The following FAM167A variants were observed in gnomAD, a reference collection of about 807,000 sequenced individuals.
The protein encoded by FAM167A is family with sequence similarity 167 member A, also known as protein FAM167A.
Under a neutral mutation model 14.9 loss-of-function variants are expected in FAM167A, and 23 were observed. The observed-to-expected ratio is 1.55, with a 90% CI of 1.11 to 2.19. The LOEUF (loss-of-function observed/expected upper bound fraction) is 2.19, where lower values mean the gene tolerates loss of function less well. Among genes scored for constraint, FAM167A ranks in the 30% most tolerant of loss-of-function variants. FAM167A has a pLI of 0.00. For missense variants in FAM167A, 401 were observed against 281.5 expected, an observed-to-expected ratio of 1.42 and a Z score of -3.04; for synonymous variants, 174 against 117.7, an observed-to-expected ratio of 1.48 and a Z score of -3.10.
rs146314212 is a variant in FAM167A at position 11,438,463 on chromosome 8, T to G, written c.381+5568A>C. On this transcript the variant is annotated intron_variant, in intron 2 of 2. Coordinates refer to ENST00000284486, the MANE Select transcript of FAM167A (RefSeq NM_053279.3). ...GATTCTATGCTACAGAAGTACAAGG[T>G]GAAGAATGCATACCGATTACATTGG... 2.0e-3 allele frequency: 928 copies of G among 457,352 alleles called. 6 individuals are homozygous for G. The highest frequency in any genetic ancestry group is 0.017 in the African/African-American group (862 of 50,210). The allele number at this position is 457,352 out of a possible 1,614,324, so 28.3% of individuals were successfully genotyped here.
intron 2 of FAM167A, among the ~76,000 whole-genome samples, chr8:11,443,150 G>C (rs892380932): frequency 6.6e-6 from 1 of 152,226 alleles, no homozygotes; most frequent in African/African-American, 2.4e-5. Flanking sequence ...CAGGGGTTGA[G>C]AGCTGGGGTA....
intron 1 of FAM167A, among the ~76,000 whole-genome samples, chr8:11,448,455 C>A (rs867959507): frequency 2.0e-5 from 3 of 152,186 alleles, no homozygotes; most frequent in Non-Finnish European, 2.9e-5. Flanking sequence ...GATGACATAA[C>A]CTATCAGAGT....
intron 1 of FAM167A, among the ~76,000 whole-genome samples, chr8:11,448,768 G>A (rs1257021718): frequency 6.6e-6 from 1 of 152,234 alleles, no homozygotes; most frequent in African/African-American, 2.4e-5. Context: ...GTGTTGGAGA[G>A]ACTCCACCCT....
chr8:11,466,228 G>A (rs1807758650), intron 1 of FAM167A, among the ~76,000 whole-genome samples: 3 of 152,308 alleles, frequency 2.0e-5, no homozygotes, highest in East Asian at 3.9e-4. Flanking sequence ...CCATCTCACT[G>A]AACCTATACA....
In FAM167A at chr8:11,421,893, G is replaced by A. The variant is rs1211790067; in HGVS notation, c.*2480C>T. 7.5e-6 allele frequency: 3 copies of A among 398,470 alleles called. No individual in the cohort carries two copies. Among genetic ancestry groups the A allele is most frequent in the Admixed American group, 4.4e-5 (1 of 22,710 alleles). The allele number at this position is 398,470 out of a possible 1,614,324, so 24.7% of individuals were successfully genotyped here. ...GACTCATAGACCCACAGAGAGCAGG[G>A]ACTTCACAAAGCTGAATTAATGTGG... On this transcript the variant is annotated 3_prime_UTR_variant, in exon 3 of 3. Transcript: ENST00000284486.
intron 1 of FAM167A, among the ~76,000 whole-genome samples, chr8:11,473,873 T>C (rs564890987): frequency 3.9e-5 from 6 of 152,220 alleles, no homozygotes; most frequent in African/African-American, 1.4e-4. Flanking sequence ...TTCTTTTCTT[T>C]CTTTCTTCTT....
intron 1 of FAM167A, among the ~76,000 whole-genome samples, chr8:11,453,009 G>T (rs193120522): frequency 6.0e-4 from 91 of 152,222 alleles, no homozygotes; most frequent in Admixed American, 1.6e-3. Flanking sequence ...CTTCATCACG[G>T]CTGCCCCCAT....
chr8:11,427,870 A>G (rs573951943), intron 2 of FAM167A, among the ~76,000 whole-genome samples: 24 of 152,302 alleles, frequency 1.6e-4, no homozygotes, highest in Middle Eastern at 3.4e-3. Context: ...ATTAAATTCT[A>G]TTGACCTAGA....
intron 1 of FAM167A, among the ~76,000 whole-genome samples, chr8:11,460,534 C>T (rs544824617): frequency 1.3e-5 from 2 of 152,356 alleles, no homozygotes; most frequent in African/African-American, 4.8e-5. Flanking sequence ...CCCAGCAGAG[C>T]CCGGTTTGCA....
intron 1 of FAM167A, among the ~76,000 whole-genome samples, chr8:11,465,716 C>T (rs1807735939): frequency 6.6e-6 from 1 of 152,224 alleles, no homozygotes; most frequent in African/African-American, 2.4e-5. Context: ...TCTACTGTGT[C>T]AGTGGGAAGC....
At chr8:11,472,433 T>A (rs1333455986), upstream of FAM167A, among the ~76,000 whole-genome samples, 1 of 138,474 alleles carries the variant, frequency 7.2e-6, no homozygotes, top group Non-Finnish European at 1.5e-5. Flanking sequence ...TTTTTGTTTT[T>A]TGGGTTTTTT....
intron 1 of FAM167A, among the ~76,000 whole-genome samples, chr8:11,454,610 G>T (rs532893759): frequency 6.6e-6 from 1 of 152,348 alleles, no homozygotes; most frequent in South Asian, 2.1e-4. Flanking sequence ...TCAGGGTGGT[G>T]CAGGGCAAAG....
intron 2 of FAM167A, 99 bp from the exon 3 acceptor site, chr8:11,424,735 T>C: frequency 6.8e-7 from 1 of 1,476,244 alleles, no homozygotes; most frequent in Non-Finnish European, 9.1e-7. Context: ...TCTTAGTTCA[T>C]TAAGTGGTCC....
intron 1 of FAM167A, among the ~76,000 whole-genome samples, chr8:11,455,734 G>A (rs1321205015): frequency 1.2e-4 from 18 of 150,136 alleles, no homozygotes; most frequent in African/African-American, 4.4e-4. Context: ...TGAGTGTCGG[G>A]GGTGGTTGCC....
intron 2 of FAM167A, among the ~76,000 whole-genome samples, chr8:11,430,440 A>G (rs975307081): frequency 6.6e-6 from 1 of 152,238 alleles, no homozygotes; most frequent in African/African-American, 2.4e-5. Context: ...GAGCCACTGC[A>G]CCTGGGTGAA....
Position 11,423,397 on chromosome 8 carries a change from T to G in FAM167A, c.*976A>C, listed in dbSNP as rs922578769. On this transcript the variant is annotated 3_prime_UTR_variant, in exon 3 of 3. Coordinates refer to ENST00000284486, the MANE Select transcript of FAM167A (RefSeq NM_053279.3). ...GTGAACAACACATCAGTAACAGTCT[T>G]ATTAAAACTAGTTGTTTAGGTCAGG... The G allele has an allele frequency of 2.6e-5, 4 of 152,626 alleles. No homozygotes were observed. The highest frequency in any genetic ancestry group is 1.5e-5 in the Non-Finnish European group (1 of 68,040). The allele number at this position is 152,626 out of a possible 1,614,324, so 9.5% of individuals were successfully genotyped here. A position where few individuals can be genotyped will look rare whatever the true frequency, so the allele number is the denominator to read the frequency against.
intron 1 of FAM167A, among the ~76,000 whole-genome samples, chr8:11,456,449 C>G (rs58004460): frequency 0.73 from 85,919 of 117,274 alleles, 29,688 homozygotes; most frequent in Middle Eastern, 0.78. Flanking sequence ...AGTGTGGGTA[C>G]TTGCCCTGCT....
chr8:11,456,537 TGTGTGA>T (rs1193995619), intron 1 of FAM167A, among the ~76,000 whole-genome samples: 2 of 118,512 alleles, frequency 1.7e-5, no homozygotes, highest in Non-Finnish European at 3.6e-5. Context: ...CCCTGCTGGG[TGTGTGA>T]GTGTGAGTGT....
intron 1 of FAM167A, among the ~76,000 whole-genome samples, chr8:11,448,782 C>A (rs574727641): frequency 6.6e-6 from 1 of 152,252 alleles, no homozygotes; most frequent in Non-Finnish European, 1.5e-5. Context: ...CCACCCTGTG[C>A]TCTCTGCATG....
Sources: allele counts gnomAD v4.1 joint callset (sites outside exome capture counted in the v4.1 genomes callset), GRCh38; gene constraint gnomAD v4.1.1; transcripts MANE v1.5; gene names NCBI Gene and HGNC (gene_info 2026-07-23, HGNC 2026-07-21).